The following SRP9 variants were observed in gnomAD, a reference collection of about 807,000 sequenced individuals.
SRP9 encodes the protein signal recognition particle 9 kDa protein.
In SRP9, 2 loss-of-function variants were observed where a neutral mutation model predicts 11.7. That is an observed-to-expected ratio of 0.17 (90% CI 0.07 to 0.54). The LOEUF is 0.54. Ranked by LOEUF, SRP9 falls within the 20% of genes least tolerant of loss-of-function variation. SRP9 has a pLI of 0.94. For missense variants in SRP9, 54 were observed against 108.1 expected, an observed-to-expected ratio of 0.50 and a Z score of 2.22; for synonymous variants, 27 against 35.6, an observed-to-expected ratio of 0.76 and a Z score of 0.86.
intron 1 of SRP9, among the ~76,000 whole-genome samples, chr1:225,781,493 G>A (rs1179624356): frequency 5.1e-5 from 7 of 138,564 alleles, no homozygotes; most frequent in Admixed American, 7.9e-5. Context: ...TCCGCCTCCC[G>A]AGTTCAAGCG....
chr1:225,779,806 T>G (rs1374190177), intron 1 of SRP9, among the ~76,000 whole-genome samples: 1 of 152,226 alleles, frequency 6.6e-6, no homozygotes. Flanking sequence ...ATTTGTTTCT[T>G]CATTCAGACA....
chr1:225,778,109 T>A, intron 1 of SRP9, 97 bp downstream of exon 1: 1 of 1,347,560 alleles, frequency 7.4e-7, no homozygotes, highest in Non-Finnish European at 1.0e-6. Context: ...TCCCAGGAGG[T>A]GCTGGGAATG....
intron 2 of SRP9, among the ~76,000 whole-genome samples, chr1:225,788,818 A>C (rs1032976174): frequency 1.3e-5 from 2 of 152,228 alleles, no homozygotes; most frequent in Admixed American, 6.5e-5. Flanking sequence ...CACCAGTAGA[A>C]AAAGAGATCT....
At chr1:225,778,992 G>A (rs1052520844) in intron 1 of SRP9, among the ~76,000 whole-genome samples, 13 of 152,184 alleles carry the variant, frequency 8.5e-5, no homozygotes, top group Non-Finnish European at 1.5e-4. Flanking sequence ...ACACAAAGGT[G>A]AATGAGATTC....
chr1:225,782,130 T>C (rs1040538545), intron 1 of SRP9, among the ~76,000 whole-genome samples: 3 of 152,030 alleles, frequency 2.0e-5, no homozygotes, highest in Non-Finnish European at 1.5e-5. Flanking sequence ...TGTTCTGGCT[T>C]GTAGATAAGT....
At chr1:225,782,010 C>T (rs77362673) in intron 1 of SRP9, among the ~76,000 whole-genome samples, 2 of 151,848 alleles carry the variant, frequency 1.3e-5, no homozygotes, top group Non-Finnish European at 2.9e-5. Context: ...ATGCAAAGAC[C>T]GTAATGGGGA....
chr1:225,784,481 C>T (rs1272149172), intron 2 of SRP9, among the ~76,000 whole-genome samples: 1 of 150,622 alleles, frequency 6.6e-6, no homozygotes, highest in African/African-American at 2.4e-5. Context: ...GATCTCCTGA[C>T]CTCGTGATCC....
intron 2 of SRP9, among the ~76,000 whole-genome samples, chr1:225,788,778 T>C (rs1665966069): frequency 2.0e-5 from 3 of 152,234 alleles, no homozygotes; most frequent in Admixed American, 2.0e-4. Flanking sequence ...CTAGATTTTT[T>C]TCTAAAAATT....
In SRP9 at chr1:225,789,583, C is replaced by G. The variant is rs760326459; in HGVS notation, c.*224C>G. ...TTTGGAAATTGAACAAGAAATGCATCTGTCTTAGAAACTGGAGATTATTTG... is the reference window on the plus strand; with the variant it reads ...TTTGGAAATTGAACAAGAAATGCATGTGTCTTAGAAACTGGAGATTATTTG... On this transcript the variant is annotated 3_prime_UTR_variant, in exon 3 of 3. Coordinates refer to ENST00000304786, the MANE Select transcript of SRP9 (RefSeq NM_003133.6). 8.1e-6 allele frequency: 3 copies of G among 371,564 alleles called. No homozygotes were observed. The highest frequency in any genetic ancestry group is 6.3e-5 in the African/African-American group (3 of 47,924). The allele number at this position is 371,564 out of a possible 1,614,324, so 23.0% of individuals were successfully genotyped here.
chr1:225,787,692 A>C (rs1322192986), intron 2 of SRP9, among the ~76,000 whole-genome samples: 21 of 152,184 alleles, frequency 1.4e-4, no homozygotes, highest in Admixed American at 1.4e-3. Context: ...TCATTTTTCT[A>C]ATCCCATAAT....
rs1420429268 is a variant in SRP9 at position 225,789,807 on chromosome 1, A to C, written c.*448A>C. ...GTGACCAATAAATATAAAATATGGT[A>C]ATTGGAATTAACTCCACACCATAGT... On this transcript the variant is annotated 3_prime_UTR_variant, in exon 3 of 3. Transcript: ENST00000304786. 6.1e-6 allele frequency: 1 copy of C among 164,502 alleles called. No individual in the cohort carries two copies. Among genetic ancestry groups the C allele is most frequent in the Non-Finnish European group, 1.3e-5 (1 of 74,864 alleles). The allele number at this position is 164,502 out of a possible 1,614,324, so 10.2% of individuals were successfully genotyped here.
chr1:225,781,056 T>C (rs1392229499), intron 1 of SRP9, among the ~76,000 whole-genome samples: 1 of 152,248 alleles, frequency 6.6e-6, no homozygotes, highest in Non-Finnish European at 1.5e-5. Flanking sequence ...TCTTCAGCTC[T>C]AGTCTCATGA....
chr1:225,781,643 C>T (rs1166628228), intron 1 of SRP9, among the ~76,000 whole-genome samples: 1 of 152,052 alleles, frequency 6.6e-6, no homozygotes, highest in Non-Finnish European at 1.5e-5. Context: ...CGTGAGTGAA[C>T]TCCTGCCCTC....
In SRP9 at chr1:225,777,844, C is replaced by T. The variant is rs1323938674; in HGVS notation, c.-97C>T. 10 of 1,243,870 alleles carry T rather than the reference C, an allele frequency of 8.0e-6. No individual in the cohort carries two copies. The highest frequency in any genetic ancestry group is 7.7e-5 in the South Asian group (6 of 77,692). 77.1% of individuals were successfully genotyped at this position (1,243,870 alleles called of 1,614,324 possible). ...AGGAGGCGCCGCCATCTTGGGGCTG[C>T]TGGGACTCGCGTCGGTTGGCGACTC... On this transcript the variant is annotated 5_prime_UTR_variant, in exon 1 of 3. Transcript: ENST00000304786.
intron 1 of SRP9, among the ~76,000 whole-genome samples, chr1:225,781,320 A>G (rs1416298808): frequency 6.6e-6 from 1 of 150,686 alleles, no homozygotes; most frequent in Non-Finnish European, 1.5e-5. Context: ...GGCATCTGAC[A>G]TGGTGACTTG....
intron 2 of SRP9, among the ~76,000 whole-genome samples, chr1:225,783,983 A>G (rs1449753220): frequency 1.3e-5 from 2 of 148,758 alleles, no homozygotes; most frequent in Non-Finnish European, 3.0e-5. Flanking sequence ...CTGTTGTTTC[A>G]TTCTTCTTTG....
chr1:225,778,080 C>T (rs1217287200), intron 1 of SRP9, 68 bp downstream of exon 1: 1 of 1,560,202 alleles, frequency 6.4e-7, no homozygotes, highest in Non-Finnish European at 8.8e-7. Flanking sequence ...CCACTCGGCC[C>T]CTGGAGCTTC....
Position 225,781,640 on chromosome 1 carries a change from G to C in SRP9, c.73-1660G>C, listed in dbSNP as rs112402116. 8.1e-3 allele frequency among the ~76,000 whole-genome samples: 1,224 copies of C among 151,964 alleles called. 8 individuals carry two copies. The highest frequency in any genetic ancestry group is 0.013 in the Non-Finnish European group (916 of 67,950). ...GTCTCGAACTCCTGACCTCGTGAGT[G>C]AACTCCTGCCCTCCCAAAGTGCTGG... On this transcript the variant is annotated intron_variant, in intron 1 of 2. Transcript: ENST00000304786.
chr1:225,786,082 G>A (rs1395623425), intron 2 of SRP9, among the ~76,000 whole-genome samples: 1 of 152,202 alleles, frequency 6.6e-6, no homozygotes, highest in Non-Finnish European at 1.5e-5. Context: ...TGTCATTTCT[G>A]TATTATGTAA....
Sources: gnomAD v4.1 joint callset for allele counts (sites outside exome capture counted in the v4.1 genomes callset) on GRCh38, gnomAD v4.1.1 for gene constraint, MANE v1.5 for transcripts, NCBI Gene and HGNC (gene_info 2026-07-23, HGNC 2026-07-21) for gene names.